RGS17: variants seen among roughly 807,000 people sequenced by gnomAD.
RGS17 encodes the protein regulator of G-protein signaling 17.
In RGS17, 12 loss-of-function variants were observed where a neutral mutation model predicts 25.5. That is an observed-to-expected ratio of 0.47 (90% CI 0.30 to 0.76). The LOEUF (loss-of-function observed/expected upper bound fraction) is 0.76. RGS17 is among the 30% of genes least tolerant of loss of function. RGS17 has a pLI of 0.07. For missense variants in RGS17, 196 were observed against 242.2 expected, an observed-to-expected ratio of 0.81 and a Z score of 1.27; for synonymous variants, 71 against 76.9, an observed-to-expected ratio of 0.92 and a Z score of 0.40.
At chr6:153,044,071 T>C in intron 1 of RGS17, 28 bp from the exon 2 acceptor site, 2 of 1,136,926 alleles carry the variant, frequency 1.8e-6, no homozygotes, top group South Asian at 1.3e-5. Context: ...AAAAATTGGG[T>C]ATGAAAAAAG....
In RGS17 at chr6:153,046,224, T is replaced by C. The variant is rs182413272; in HGVS notation, c.-25-2181A>G. Among the ~76,000 whole-genome samples, 1,308 of 151,926 alleles carry C rather than the reference T, an allele frequency of 8.6e-3. 23 individuals carry two copies. The highest frequency in any genetic ancestry group is 0.03 in the African/African-American group (1,250 of 41,408). On this transcript the variant is annotated intron_variant, in intron 1 of 4. Coordinates refer to ENST00000206262, the MANE Select transcript of RGS17 (RefSeq NM_012419.5). ...AGTAAGGGAGGGATATGGATACATT[T>C]TTTAAGGGATATAAAATGGCAGCTA...
In RGS17 at chr6:153,011,441, C is replaced by T. The variant is rs1272990464; in HGVS notation, c.*133G>A. Reference sequence around the variant, plus strand: ...ACCTTGATAAAAATGGAGACAAAGACCATAACGGTTGTGTTTTCACAGTAG... The same window carrying T: ...ACCTTGATAAAAATGGAGACAAAGATCATAACGGTTGTGTTTTCACAGTAG... On this transcript the variant is annotated 3_prime_UTR_variant, in exon 5 of 5. Transcript: ENST00000206262. 1.6e-6 allele frequency: 1 copy of T among 634,182 alleles called. No homozygotes were observed. The highest frequency in any genetic ancestry group is 2.7e-6 in the Non-Finnish European group (1 of 364,818). 39.3% of individuals were successfully genotyped at this position (634,182 alleles called of 1,614,324 possible). A position where few individuals can be genotyped will look rare whatever the true frequency, so the allele number is the denominator to read the frequency against.
chr6:153,125,586 AGCTG>A (rs1300792442), intron 1 of RGS17, among the ~76,000 whole-genome samples: 1 of 152,168 alleles, frequency 6.6e-6, no homozygotes. Context: ...TTACACTTTC[AGCTG>A]GGCGCAGTGG....
chr6:153,047,811 T>C (rs1409562428), intron 1 of RGS17, among the ~76,000 whole-genome samples: 2 of 152,214 alleles, frequency 1.3e-5, no homozygotes, highest in Non-Finnish European at 2.9e-5. Flanking sequence ...CCAACTATGA[T>C]ACTTTGTCTA....
At chr6:153,104,436 A>G (rs552034171) in intron 1 of RGS17, among the ~76,000 whole-genome samples, 1 of 152,354 alleles carries the variant, frequency 6.6e-6, no homozygotes, top group Non-Finnish European at 1.5e-5. Context: ...AATGACTCTG[A>G]ATCCAGAACA....
At chr6:153,080,583 TTC>T (rs915368103) in intron 1 of RGS17, among the ~76,000 whole-genome samples, 5 of 152,244 alleles carry the variant, frequency 3.3e-5, no homozygotes, top group South Asian at 4.1e-4. Flanking sequence ...ATTTTATCAA[TTC>T]TGTTTGCCTG....
intron 1 of RGS17, among the ~76,000 whole-genome samples, chr6:153,096,945 T>C (rs944152927): frequency 3.3e-5 from 5 of 152,220 alleles, no homozygotes; most frequent in Middle Eastern, 3.4e-3. Context: ...TATAACAACA[T>C]TGACAATAGG....
At chr6:153,096,294 C>A (rs1183011533) in intron 1 of RGS17, among the ~76,000 whole-genome samples, 1 of 152,182 alleles carries the variant, frequency 6.6e-6, no homozygotes, top group Non-Finnish European at 1.5e-5. Context: ...AGGTCTAGCT[C>A]TGTCGTTAAC....
Position 153,037,195 on chromosome 6 carries a change from CACACAG to C in RGS17, c.119+6699_119+6704del, listed in dbSNP as rs1162932710. Among the ~76,000 whole-genome samples the C allele has an allele frequency of 7.3e-3, 1,048 of 143,690 alleles. 3 individuals are homozygous for C. The highest frequency in any genetic ancestry group is 0.011 in the African/African-American group (403 of 38,156). 94.3% of individuals were successfully genotyped at this position (143,690 alleles called of 152,430 possible). A position where few individuals can be genotyped will look rare whatever the true frequency, so the allele number is the denominator to read the frequency against. On this transcript the variant is annotated intron_variant, in intron 2 of 4. Coordinates refer to ENST00000206262, the MANE Select transcript of RGS17 (RefSeq NM_012419.5). ...AAACACACACACACACACACACACA[CACACAG>C]ACACACACACACACACACACAGGAG...
intron 1 of RGS17, among the ~76,000 whole-genome samples, chr6:153,129,326 T>C (rs1439306929): frequency 6.6e-6 from 1 of 152,194 alleles, no homozygotes; most frequent in Non-Finnish European, 1.5e-5. Context: ...AGGTCAAACT[T>C]CTCATTCATT....
intron 1 of RGS17, among the ~76,000 whole-genome samples, chr6:153,104,283 A>G (rs1347951418): frequency 6.6e-6 from 1 of 152,210 alleles, no homozygotes; most frequent in African/African-American, 2.4e-5. Context: ...AGCTGTTGAC[A>G]TGTTTGTTAT....
At chr6:153,109,522 G>A (rs954464369) in intron 1 of RGS17, among the ~76,000 whole-genome samples, 14 of 152,320 alleles carry the variant, frequency 9.2e-5, no homozygotes, top group African/African-American at 3.1e-4. Flanking sequence ...AATGGACTAA[G>A]TAATACAGAC....
chr6:153,053,951 T>G lies in RGS17; in HGVS notation c.-25-9908A>C, dbSNP rs1463358010. 6.7e-4 allele frequency among the ~76,000 whole-genome samples: 39 copies of G among 57,880 alleles called. 2 individuals carry two copies. The highest frequency in any genetic ancestry group is 1.7e-3 in the Admixed American group (10 of 5,858). 38.0% of individuals were successfully genotyped at this position (57,880 alleles called of 152,430 possible). A position where few individuals can be genotyped will look rare whatever the true frequency, so the allele number is the denominator to read the frequency against. ...TATATATATGTATATATAATATATA[T>G]ACATATATATTATATACATATATAT... On this transcript the variant is annotated intron_variant, in intron 1 of 4. Transcript: ENST00000206262.
chr6:153,122,792 C>T (rs1283504503), intron 1 of RGS17, among the ~76,000 whole-genome samples: 1 of 151,858 alleles, frequency 6.6e-6, no homozygotes, highest in Non-Finnish European at 1.5e-5. Context: ...CAAAGATGCT[C>T]CTTTCTCCTC....
intron 1 of RGS17, among the ~76,000 whole-genome samples, chr6:153,072,187 T>C (rs1229917384): frequency 6.6e-6 from 1 of 152,082 alleles, no homozygotes; most frequent in Non-Finnish European, 1.5e-5. Flanking sequence ...TTAAGAAATA[T>C]GAAAAAATAT....
chr6:153,073,820 T>C (rs566282293), intron 1 of RGS17, among the ~76,000 whole-genome samples: 2 of 152,258 alleles, frequency 1.3e-5, no homozygotes, highest in African/African-American at 4.8e-5. Flanking sequence ...ATCAGTCTCC[T>C]GGGACAGAGG....
intron 4 of RGS17, among the ~76,000 whole-genome samples, chr6:153,013,046 C>A (rs1364314888): frequency 6.6e-6 from 1 of 152,134 alleles, no homozygotes; most frequent in African/African-American, 2.4e-5. Context: ...AGGGACACCT[C>A]ATTTTACTGC....
At chr6:153,035,591 G>A (rs1776229080) in intron 2 of RGS17, among the ~76,000 whole-genome samples, 1 of 152,072 alleles carries the variant, frequency 6.6e-6, no homozygotes, top group African/African-American at 2.4e-5. Context: ...TATAAATAAG[G>A]GTAGCAAAGA....
In RGS17 at chr6:153,009,871, C is replaced by T. The variant is rs544804718; in HGVS notation, c.*1703G>A. 1 of 151,772 alleles carries T rather than the reference C, an allele frequency of 6.6e-6. No individual in the cohort carries two copies. The highest frequency in any genetic ancestry group is 2.4e-5 in the African/African-American group (1 of 41,482). The allele number at this position is 151,772 out of a possible 1,614,324, so 9.4% of individuals were successfully genotyped here. On this transcript the variant is annotated 3_prime_UTR_variant, in exon 5 of 5. Transcript: ENST00000206262. Reference sequence around the variant, plus strand: ...CCCTTTTATTCATGTCTCCTGAATTCTATATAAATTAGAAAATCATACTTG... The same window carrying T: ...CCCTTTTATTCATGTCTCCTGAATTTTATATAAATTAGAAAATCATACTTG...
Sources: allele counts gnomAD v4.1 joint callset (sites outside exome capture counted in the v4.1 genomes callset), GRCh38; gene constraint gnomAD v4.1.1; transcripts MANE v1.5; gene names NCBI Gene and HGNC (gene_info 2026-07-23, HGNC 2026-07-21).